Variants in RNF180 observed in about 807,000 individuals in gnomAD.
The protein encoded by RNF180 is E3 ubiquitin-protein ligase RNF180.
A neutral mutation model predicts 59.2 loss-of-function variants in RNF180; 38 were observed. The ratio of observed to expected loss-of-function variants is 0.64; its 90% CI spans 0.50 to 0.84. The LOEUF (loss-of-function observed/expected upper bound fraction) is 0.84. Among genes scored for constraint, RNF180 ranks in the 40% least tolerant of loss-of-function variants. RNF180 has a pLI of 0.00. For synonymous variants in RNF180, 262 were observed against 240.3 expected, an observed-to-expected ratio of 1.09 and a Z score of -0.84; for missense variants, 705 against 700.9, an observed-to-expected ratio of 1.01 and a Z score of -0.07.
At chr5:64,335,825 G>T (rs1745102319) in intron 7 of RNF180, among the ~76,000 whole-genome samples, 1 of 151,942 alleles carries the variant, frequency 6.6e-6, no homozygotes, top group African/African-American at 2.4e-5. Flanking sequence ...TGGGAAATGG[G>T]GTCCTATTAA....
chr5:64,368,546 AG>A (rs1241845514), intron 7 of RNF180, among the ~76,000 whole-genome samples: 1 of 151,344 alleles, frequency 6.6e-6, no homozygotes, highest in African/African-American at 2.4e-5. Context: ...GCACTGAACT[AG>A]AAGAGGCTAC....
intron 1 of RNF180, among the ~76,000 whole-genome samples, chr5:64,182,136 G>GC (rs373637944): frequency 2.2e-3 from 337 of 151,686 alleles, no homozygotes; most frequent in African/African-American, 8.0e-3. Flanking sequence ...GACTACAGGC[G>GC]CCCACCACCA....
intron 5 of RNF180, among the ~76,000 whole-genome samples, chr5:64,227,807 A>AAAAT (rs962457769): frequency 6.6e-6 from 1 of 152,232 alleles, no homozygotes; most frequent in Non-Finnish European, 1.5e-5. Flanking sequence ...TCTCACTTTT[A>AAAAT]AAATAAATAA....
intron 5 of RNF180, among the ~76,000 whole-genome samples, chr5:64,294,592 G>C (rs1742789245): frequency 6.6e-6 from 1 of 152,032 alleles, no homozygotes; most frequent in African/African-American, 2.4e-5. Context: ...CAAAAACTTT[G>C]AAAAAGCTAA....
chr5:64,196,556 C>G (rs1751468060), intron 1 of RNF180, among the ~76,000 whole-genome samples: 1 of 151,784 alleles, frequency 6.6e-6, no homozygotes, highest in South Asian at 2.1e-4. Flanking sequence ...AGTTTTTCAC[C>G]CAATTTTGAC....
intron 5 of RNF180, among the ~76,000 whole-genome samples, chr5:64,230,083 G>T (rs1359748254): frequency 6.6e-6 from 1 of 152,168 alleles, no homozygotes; most frequent in Non-Finnish European, 1.5e-5. Context: ...CCACAACAAT[G>T]GGTAGTCTAT....
intron 2 of RNF180, among the ~76,000 whole-genome samples, chr5:64,204,599 G>A (rs1162631812): frequency 6.6e-6 from 1 of 151,836 alleles, no homozygotes; most frequent in East Asian, 1.9e-4. Flanking sequence ...TTATTGTATT[G>A]CAACTATTTT....
At chr5:64,315,987 G>A (rs1744022737) in intron 5 of RNF180, among the ~76,000 whole-genome samples, 1 of 151,978 alleles carries the variant, frequency 6.6e-6, no homozygotes, top group Non-Finnish European at 1.5e-5. Context: ...TCACACTAAG[G>A]CACTAGCAAT....
chr5:64,363,372 A>T (rs555880865), intron 7 of RNF180, among the ~76,000 whole-genome samples: 9 of 151,774 alleles, frequency 5.9e-5, no homozygotes, highest in African/African-American at 2.2e-4. Flanking sequence ...TTGTTTGTTC[A>T]TGTCAGCTTT....
At chr5:64,262,758 T>C (rs1034586513) in intron 5 of RNF180, among the ~76,000 whole-genome samples, 3 of 152,138 alleles carry the variant, frequency 2.0e-5, no homozygotes, top group Non-Finnish European at 4.4e-5. Flanking sequence ...TTGGCCTTAT[T>C]TATTTTGAGC....
At chr5:64,286,013 C>G (rs116009681) in intron 5 of RNF180, among the ~76,000 whole-genome samples, 5 of 152,062 alleles carry the variant, frequency 3.3e-5, no homozygotes, top group Non-Finnish European at 5.9e-5. Context: ...CCTGCTCAAC[C>G]CCCCCTTCCC....
intron 1 of RNF180, among the ~76,000 whole-genome samples, chr5:64,167,388 G>T (rs1749703371): frequency 6.6e-6 from 1 of 151,924 alleles, no homozygotes. Context: ...TTTTGTCAAT[G>T]GTATTTTATT....
intron 5 of RNF180, among the ~76,000 whole-genome samples, chr5:64,251,121 T>G (rs1029989211): frequency 2.6e-5 from 4 of 152,166 alleles, no homozygotes; most frequent in African/African-American, 9.6e-5. Context: ...TCTTTTGATA[T>G]AGAAAAAGCA....
intron 6 of RNF180, among the ~76,000 whole-genome samples, chr5:64,328,041 A>G (rs1744731278): frequency 6.6e-6 from 1 of 152,056 alleles, no homozygotes; most frequent in African/African-American, 2.4e-5. Context: ...AGGAAGAGGG[A>G]GAGGAAAAGG....
intron 7 of RNF180, among the ~76,000 whole-genome samples, chr5:64,349,393 A>G (rs1580292800): frequency 6.8e-6 from 1 of 147,252 alleles, no homozygotes; most frequent in Non-Finnish European, 1.5e-5. Context: ...ATAAGTTATG[A>G]CAGGCTAGTC....
chr5:64,174,737 A>G (rs1366982431), intron 1 of RNF180, among the ~76,000 whole-genome samples: 9 of 152,002 alleles, frequency 5.9e-5, no homozygotes, highest in African/African-American at 1.7e-4. Context: ...TATTTTTCCC[A>G]TTCTATAGGT....
intron 5 of RNF180, among the ~76,000 whole-genome samples, chr5:64,319,890 G>C (rs956431686): frequency 6.6e-6 from 1 of 152,206 alleles, no homozygotes; most frequent in Non-Finnish European, 1.5e-5. Context: ...ATAAGATCTA[G>C]AACAGTGGGA....
At position 64,216,020 on chromosome 5, in the gene RNF180, A is replaced by C. The variant is rs139818246; in HGVS notation, c.1192-1341A>C. On this transcript the variant is annotated intron_variant, in intron 4 of 7. Coordinates refer to ENST00000389100, the MANE Select transcript of RNF180 (RefSeq NM_001113561.2). ...TTTTTGTATAGATGAAGTTATTTGT[A>C]TTCATTCACATACATATGATATAGC... is the stretch of plus-strand genomic sequence containing the variant. Among the ~76,000 whole-genome samples, 51 of 152,032 alleles carry C rather than the reference A, an allele frequency of 3.4e-4. 1 individual carries two copies. The East Asian group carries it at 9.7e-3, about 29-fold the overall frequency.
chr5:64,272,045 C>T (rs965412334), intron 5 of RNF180, among the ~76,000 whole-genome samples: 2 of 152,028 alleles, frequency 1.3e-5, no homozygotes, highest in African/African-American at 2.4e-5. Flanking sequence ...TGTAACTTCT[C>T]TTTCATTCAA....
Sources: allele counts gnomAD v4.1 joint callset (sites outside exome capture counted in the v4.1 genomes callset), GRCh38; gene constraint gnomAD v4.1.1; transcripts MANE v1.5; gene names NCBI Gene and HGNC (gene_info 2026-07-23, HGNC 2026-07-21).